The following CLSTN2 variants were observed in gnomAD, a reference collection of about 807,000 sequenced individuals.
CLSTN2 encodes the protein calsyntenin-2.
In CLSTN2, 48 loss-of-function variants were observed where a neutral mutation model predicts 101.2. That is an observed-to-expected ratio of 0.47 (90% CI 0.38 to 0.60). CLSTN2 has a LOEUF of 0.60. Among genes scored for constraint, CLSTN2 ranks in the 20% least tolerant of loss-of-function variants. The probability of loss-of-function intolerance (pLI) is 0.00; values close to 1 mark genes in which losing one functional copy is unlikely to be tolerated. For missense variants in CLSTN2, 1,160 were observed against 1,238.2 expected (o/e 0.94, Z 0.95); for synonymous variants, 481 against 463.6 (o/e 1.04, Z -0.48).
chr3:140,043,475 G>C (rs1171462068), intron 1 of CLSTN2, among the ~76,000 whole-genome samples: 1 of 152,144 alleles, frequency 6.6e-6, no homozygotes, highest in Non-Finnish European at 1.5e-5. Context: ...TCTGTAGGTT[G>C]CCTGTTCATT....
At chr3:140,094,901 C>T (rs369697244) in intron 1 of CLSTN2, among the ~76,000 whole-genome samples, 13 of 152,298 alleles carry the variant, frequency 8.5e-5, no homozygotes, top group African/African-American at 3.1e-4. Context: ...CGTTATAATA[C>T]GTCAAGGATC....
At chr3:140,182,988 A>G (rs1342145013) in intron 2 of CLSTN2, among the ~76,000 whole-genome samples, 28 of 152,152 alleles carry the variant, frequency 1.8e-4, no homozygotes, top group Admixed American at 1.8e-3. Context: ...GTACAGAGGA[A>G]GGATGACAGG....
At chr3:140,135,149 T>C (rs1229324470) in intron 1 of CLSTN2, among the ~76,000 whole-genome samples, 5 of 135,966 alleles carry the variant, frequency 3.7e-5, no homozygotes, top group South Asian at 2.3e-4. Flanking sequence ...TATATATATA[T>C]ATATATATAT....
intron 1 of CLSTN2, among the ~76,000 whole-genome samples, chr3:139,992,497 A>C (rs1445737271): frequency 1.3e-5 from 2 of 152,202 alleles, no homozygotes; most frequent in Non-Finnish European, 2.9e-5. Flanking sequence ...GCTCTCCTGC[A>C]GCAGTGCCAG....
At chr3:140,487,434 TA>T (rs1456528652) in intron 8 of CLSTN2, among the ~76,000 whole-genome samples, 4 of 152,358 alleles carry the variant, frequency 2.6e-5, no homozygotes, top group African/African-American at 9.6e-5. Flanking sequence ...CTAAGCTAAT[TA>T]AAGGTAAAAC....
intron 2 of CLSTN2, among the ~76,000 whole-genome samples, chr3:140,281,643 G>A (rs1305952885): frequency 6.6e-6 from 1 of 152,144 alleles, no homozygotes; most frequent in Non-Finnish European, 1.5e-5. Flanking sequence ...AAATCTTCAT[G>A]TCTGTTCTTC....
chr3:140,485,121 C>T (rs1337724095), intron 8 of CLSTN2, among the ~76,000 whole-genome samples: 4 of 152,288 alleles, frequency 2.6e-5, no homozygotes, highest in Admixed American at 2.6e-4. Flanking sequence ...ATGGTGGTGA[C>T]GTACAGATGG....
Position 140,367,511 on chromosome 3 carries a change from CAAAAAAAAAAAA to C in CLSTN2, c.233-36106_233-36095del, listed in dbSNP as rs34398474. 1.5e-3 allele frequency among the ~76,000 whole-genome samples: 144 copies of C among 96,836 alleles called. 5 individuals carry two copies. The South Asian group carries it at 0.051, about 34-fold the overall frequency. The allele number at this position is 96,836 out of a possible 152,430, so 63.5% of individuals were successfully genotyped here. A position where few individuals can be genotyped will look rare whatever the true frequency, so the allele number is the denominator to read the frequency against. ...CTGGTGACAGAGCAACACTTTGTCT[CAAAAAAAAAAAA>C]AAAAAAAAAAAGGAAAGAGAAGAAT... is the stretch of plus-strand genomic sequence containing the variant. On this transcript the variant is annotated intron_variant, in intron 2 of 16. Transcript: ENST00000458420.
chr3:140,257,004 A>G (rs570285175), intron 2 of CLSTN2, among the ~76,000 whole-genome samples: 44 of 152,308 alleles, frequency 2.9e-4, no homozygotes, highest in African/African-American at 1.0e-3. Flanking sequence ...AAAGGCATAC[A>G]TAGGCCGGGC....
chr3:140,457,577 T>A lies in CLSTN2; in HGVS notation c.974-1944T>A, dbSNP rs1933434066. ...AAAGATTTTATTGGCAATTAAAACA[T>A]TTGTATAAATTAGTTTATCACATAA... On this transcript the variant is annotated intron_variant, in intron 6 of 16. Coordinates refer to ENST00000458420, the MANE Select transcript of CLSTN2 (RefSeq NM_022131.3). 2.6e-5 allele frequency among the ~76,000 whole-genome samples: 4 copies of A among 152,310 alleles called. No homozygotes were observed. The South Asian group carries it at 8.3e-4, about 32-fold the overall frequency.
chr3:140,015,514 C>T (rs1025138232), intron 1 of CLSTN2, among the ~76,000 whole-genome samples: 2 of 152,114 alleles, frequency 1.3e-5, no homozygotes, highest in South Asian at 4.2e-4. Context: ...AACAGGATTT[C>T]CTGACAGATT....
intron 1 of CLSTN2, among the ~76,000 whole-genome samples, chr3:139,960,672 G>A (rs780290496): frequency 4.6e-5 from 7 of 152,158 alleles, no homozygotes; most frequent in Non-Finnish European, 7.3e-5. Flanking sequence ...GATGCACTGC[G>A]TGCTGCACCA....
At chr3:140,480,136 C>T (rs1369316003) in intron 8 of CLSTN2, among the ~76,000 whole-genome samples, 1 of 151,612 alleles carries the variant, frequency 6.6e-6, no homozygotes, top group African/African-American at 2.4e-5. Context: ...TGATGTTCCC[C>T]TTCCTGTGTC....
intron 1 of CLSTN2, among the ~76,000 whole-genome samples, chr3:140,067,422 G>A (rs1428214890): frequency 2.6e-5 from 4 of 152,098 alleles, no homozygotes; most frequent in Non-Finnish European, 4.4e-5. Context: ...GCAGTTCTGT[G>A]CCGATATTGC....
At position 140,155,750 on chromosome 3, in the gene CLSTN2, T is replaced by A. The variant is rs538400150; in HGVS notation, c.110-20201T>A. On this transcript the variant is annotated intron_variant, in intron 1 of 16. Coordinates refer to ENST00000458420, the MANE Select transcript of CLSTN2 (RefSeq NM_022131.3). ...GTTCATCACACACTTGCTTGCTGAGTGACCACTCTTAGCCAGCTTCCCTCG... is the reference window on the plus strand; with the variant it reads ...GTTCATCACACACTTGCTTGCTGAGAGACCACTCTTAGCCAGCTTCCCTCG... Among the ~76,000 whole-genome samples the A allele has an allele frequency of 7.2e-5, 11 of 152,334 alleles. No homozygotes were observed. In the South Asian group the frequency reaches 1.5e-3, roughly 20 times the overall value.
At chr3:140,418,729 G>A (rs2088459124) in intron 4 of CLSTN2, among the ~76,000 whole-genome samples, 2 of 151,728 alleles carry the variant, frequency 1.3e-5, no homozygotes, top group Admixed American at 6.6e-5. Flanking sequence ...TGTTGGTCAC[G>A]CTGGTCTCGA....
intron 1 of CLSTN2, among the ~76,000 whole-genome samples, chr3:139,939,893 C>T (rs188666010): frequency 8.5e-5 from 13 of 152,336 alleles, no homozygotes; most frequent in Admixed American, 1.3e-4. Context: ...CATCCTGAAA[C>T]GCCTGTGGTT....
chr3:139,940,892 G>A (rs1935114997), intron 1 of CLSTN2, among the ~76,000 whole-genome samples: 1 of 152,070 alleles, frequency 6.6e-6, no homozygotes, highest in Non-Finnish European at 1.5e-5. Flanking sequence ...CCATGTGCTA[G>A]TGCCAGAGGT....
chr3:140,388,246 A>G (rs548258572), intron 2 of CLSTN2, among the ~76,000 whole-genome samples: 2 of 152,332 alleles, frequency 1.3e-5, no homozygotes, highest in East Asian at 1.9e-4. Flanking sequence ...TAATTAACTG[A>G]CTGTAAATAA....
Sources: allele counts gnomAD v4.1 joint callset (sites outside exome capture counted in the v4.1 genomes callset), GRCh38; gene constraint gnomAD v4.1.1; transcripts MANE v1.5; gene names NCBI Gene and HGNC (gene_info 2026-07-23, HGNC 2026-07-21).